The following TMEM63C variants were observed in gnomAD, a reference collection of about 807,000 sequenced individuals.
TMEM63C encodes the protein transmembrane protein 63C.
Under a neutral mutation model 99.2 loss-of-function variants are expected in TMEM63C, and 32 were observed. The observed-to-expected ratio is 0.32, with a 90% CI of 0.24 to 0.43. TMEM63C has a LOEUF of 0.43. Ranked by LOEUF, TMEM63C falls within the 20% of genes least tolerant of loss-of-function variation. The pLI, the probability that TMEM63C is intolerant of heterozygous loss-of-function variation, is 1.00. For missense variants in TMEM63C, 826 were observed against 1,053.0 expected (o/e 0.78, Z 2.98); for synonymous variants, 376 against 397.9 (o/e 0.94, Z 0.66).
chr14:77,200,179 C>A (rs1229739885), intron 1 of TMEM63C, among the ~76,000 whole-genome samples: 1 of 152,226 alleles, frequency 6.6e-6, no homozygotes, highest in Non-Finnish European at 1.5e-5. Context: ...ATCAGTGTGG[C>A]TTTCCTGATC....
intron 5 of TMEM63C, among the ~76,000 whole-genome samples, chr14:77,222,787 AC>A (rs1433415425): frequency 1.3e-5 from 2 of 151,836 alleles, no homozygotes; most frequent in Non-Finnish European, 2.9e-5. Flanking sequence ...AGCCCTGACC[AC>A]CCCTCCTGGG....
intron 1 of TMEM63C, among the ~76,000 whole-genome samples, chr14:77,190,657 A>G (rs1265584511): frequency 2.6e-5 from 4 of 152,228 alleles, no homozygotes; most frequent in African/African-American, 9.6e-5. Flanking sequence ...CTCAAAAGAA[A>G]TAAAAAATCA....
chr14:77,229,424 C>A (rs1888894203), intron 6 of TMEM63C, among the ~76,000 whole-genome samples: 1 of 151,730 alleles, frequency 6.6e-6, no homozygotes, highest in Admixed American at 6.6e-5. Context: ...AAAATTAAGT[C>A]CAAATGCTTA....
At chr14:77,216,583 C>A (rs182790768) in intron 2 of TMEM63C, among the ~76,000 whole-genome samples, 3 of 152,332 alleles carry the variant, frequency 2.0e-5, no homozygotes, top group Admixed American at 2.0e-4. Flanking sequence ...CCATTTCCAT[C>A]CTGCACTTTC....
intron 9 of TMEM63C, among the ~76,000 whole-genome samples, chr14:77,237,585 G>T (rs902177157): frequency 6.6e-6 from 1 of 152,242 alleles, no homozygotes; most frequent in Non-Finnish European, 1.5e-5. Flanking sequence ...GTGAGCAATC[G>T]TGGGTATTTT....
At chr14:77,188,184 C>T (rs1046150952) in intron 1 of TMEM63C, among the ~76,000 whole-genome samples, 2 of 152,196 alleles carry the variant, frequency 1.3e-5, no homozygotes, top group Admixed American at 6.5e-5. Flanking sequence ...GAAGCCCTCC[C>T]TGGATCTCAG....
At chr14:77,249,516 C>A in intron 21 of TMEM63C, 58 bp downstream of exon 21, 1 of 1,573,916 alleles carries the variant, frequency 6.4e-7, no homozygotes, top group Non-Finnish European at 8.7e-7. Context: ...TTCTGTGAGT[C>A]CCTTAACACT....
chr14:77,228,504 A>G (rs117901478), intron 6 of TMEM63C, among the ~76,000 whole-genome samples: 73 of 152,228 alleles, frequency 4.8e-4, no homozygotes, highest in Admixed American at 1.5e-3. Flanking sequence ...GAAAACCTTG[A>G]AGGTGTGCCT....
intron 2 of TMEM63C, among the ~76,000 whole-genome samples, chr14:77,214,509 G>A (rs72725343): frequency 0.23 from 34,298 of 151,806 alleles, 4,924 homozygotes; most frequent in Admixed American, 0.37. Flanking sequence ...CCTGGGGATG[G>A]AGACGTGTCT....
chr14:77,183,888 G>A (rs1162703605), intron 1 of TMEM63C, among the ~76,000 whole-genome samples: 1 of 152,134 alleles, frequency 6.6e-6, no homozygotes, highest in East Asian at 1.9e-4. Context: ...ATACTGGAGG[G>A]AAACCACATG....
chr14:77,233,589 G>A, intron 8 of TMEM63C, 89 bp downstream of exon 8: 1 of 1,400,724 alleles, frequency 7.1e-7, no homozygotes, highest in Non-Finnish European at 1.0e-6. Context: ...AACATGGGCA[G>A]CGTTTTGCTG....
At chr14:77,192,607 AAG>A (rs1888129359) in intron 1 of TMEM63C, among the ~76,000 whole-genome samples, 1 of 152,152 alleles carries the variant, frequency 6.6e-6, no homozygotes, top group South Asian at 2.1e-4. Flanking sequence ...TTTAAAAAGA[AAG>A]AAGAAAGCCA....
chr14:77,185,744 A>C (rs1297648122), intron 1 of TMEM63C, among the ~76,000 whole-genome samples: 1 of 152,170 alleles, frequency 6.6e-6, no homozygotes, highest in Non-Finnish European at 1.5e-5. Context: ...CCTGTCATAC[A>C]TGGACACGCT....
chr14:77,238,560 T>G lies in TMEM63C; in HGVS notation c.652-134T>G, dbSNP rs908030013. ...AGCTTGGCTCTGGCTTTCTTGGCTC[T>G]CTCAGCAAGGAGGCACTGGCATCAG... On this transcript the variant is annotated intron_variant, in intron 9 of 23. Transcript: ENST00000298351. The G allele has an allele frequency of 3.1e-5, 22 of 703,114 alleles. No homozygotes were observed. The African/African-American group carries it at 3.4e-4, about 11-fold the overall frequency. 43.6% of individuals were successfully genotyped at this position (703,114 alleles called of 1,614,324 possible).
At position 77,198,561 on chromosome 14, in the gene TMEM63C, G is replaced by A. The variant is rs868129897; in HGVS notation, c.-76-14885G>A. 3.2e-4 allele frequency among the ~76,000 whole-genome samples: 49 copies of A among 152,344 alleles called. No homozygotes were observed. The Middle Eastern group carries it at 0.02, about 63-fold the overall frequency. On this transcript the variant is annotated intron_variant, in intron 1 of 23. Transcript: ENST00000298351. Reference sequence around the variant, plus strand: ...TGGAGAGGGCACTTGGGAATTTGCCGCGATTCTGATCAGACCATCAAAGTT... The same window carrying A: ...TGGAGAGGGCACTTGGGAATTTGCCACGATTCTGATCAGACCATCAAAGTT...
At chr14:77,213,122 C>T (rs906983481) in intron 1 of TMEM63C, among the ~76,000 whole-genome samples, 20 of 152,190 alleles carry the variant, frequency 1.3e-4, no homozygotes, top group Non-Finnish European at 2.8e-4. Flanking sequence ...TATATTCAGC[C>T]TTCCCTCTAG....
At chr14:77,248,053 C>G (rs991384793) in intron 18 of TMEM63C, among the ~76,000 whole-genome samples, 1 of 152,216 alleles carries the variant, frequency 6.6e-6, no homozygotes, top group Non-Finnish European at 1.5e-5. Flanking sequence ...GGCTCAGACA[C>G]CCTTGCTTTG....
chr14:77,226,224 A>G (rs1364060214), intron 6 of TMEM63C, among the ~76,000 whole-genome samples: 2 of 152,028 alleles, frequency 1.3e-5, no homozygotes, highest in African/African-American at 4.8e-5. Context: ...TGTCCTGCCC[A>G]TCCTTTAAAC....
At chr14:77,238,319 T>G (rs379708) in intron 9 of TMEM63C, among the ~76,000 whole-genome samples, 23,219 of 152,160 alleles carry the variant, frequency 0.15, 1,921 homozygotes, top group African/African-American at 0.22. Flanking sequence ...GGGGTCGCTC[T>G]GGCAGCTCTT....
Sources: gnomAD v4.1 joint callset for allele counts (sites outside exome capture counted in the v4.1 genomes callset) on GRCh38, gnomAD v4.1.1 for gene constraint, MANE v1.5 for transcripts, NCBI Gene and HGNC (gene_info 2026-07-23, HGNC 2026-07-21) for gene names.